KLHL1: variants seen among roughly 807,000 people sequenced by gnomAD.
KLHL1 encodes kelch-like protein 1.
In KLHL1, 47 loss-of-function variants were observed where a neutral mutation model predicts 77.7. The ratio of observed to expected loss-of-function variants is 0.60; its 90% CI spans 0.48 to 0.77. The LOEUF (loss-of-function observed/expected upper bound fraction) is 0.77, where lower values mean the gene tolerates loss of function less well. Among genes scored for constraint, KLHL1 ranks in the 30% least tolerant of loss-of-function variants. The probability of loss-of-function intolerance (pLI) is 0.00; values close to 1 mark genes in which losing one functional copy is unlikely to be tolerated. For missense variants in KLHL1, 925 were observed against 910.8 expected (o/e 1.02, Z -0.20); for synonymous variants, 360 against 325.2 (o/e 1.11, Z -1.15).
intron 3 of KLHL1, among the ~76,000 whole-genome samples, chr13:69,945,165 T>A (rs1295630985): frequency 2.0e-5 from 3 of 151,700 alleles, no homozygotes; most frequent in Non-Finnish European, 4.4e-5. Flanking sequence ...TTTTGTATGT[T>A]TAGAACAGAC....
chr13:69,959,954 A>G (rs1013008528), intron 3 of KLHL1, among the ~76,000 whole-genome samples: 1 of 151,954 alleles, frequency 6.6e-6, no homozygotes, highest in African/African-American at 2.4e-5. Flanking sequence ...CTCTCCTAAT[A>G]CAATATCCTT....
chr13:69,715,682 G>A (rs1876089637), intron 9 of KLHL1, among the ~76,000 whole-genome samples: 1 of 151,928 alleles, frequency 6.6e-6, no homozygotes, highest in Non-Finnish European at 1.5e-5. Context: ...GAGCATAATT[G>A]CTCACCAATA....
Position 69,701,503 on chromosome 13 carries a change from AT to A in KLHL1, c.*198del. On this transcript the variant is annotated 3_prime_UTR_variant, in exon 11 of 11. Coordinates refer to ENST00000377844, the MANE Select transcript of KLHL1 (RefSeq NM_020866.3). ...CGAACTAACTAACATATGGCCAGAC[AT>A]TTTTCCTGTATAAGTTTAATGTTTT... 1 of 504,166 alleles carries A rather than the reference AT, an allele frequency of 2.0e-6. No homozygotes were observed. 31.2% of individuals were successfully genotyped at this position (504,166 alleles called of 1,614,324 possible).
intron 2 of KLHL1, among the ~76,000 whole-genome samples, chr13:69,973,625 CAA>C (rs1448351335): frequency 6.6e-6 from 1 of 151,696 alleles, no homozygotes; most frequent in African/African-American, 2.4e-5. Context: ...CATTTTAAGT[CAA>C]GAGCTAGTTT....
intron 6 of KLHL1, among the ~76,000 whole-genome samples, chr13:69,815,098 G>A (rs1878063738): frequency 6.6e-6 from 1 of 152,152 alleles, no homozygotes; most frequent in Admixed American, 6.5e-5. Context: ...CTTATATACT[G>A]TTGGAGGGAA....
Position 69,785,114 on chromosome 13 carries a change from G to A in KLHL1, c.1639+11624C>T, listed in dbSNP as rs1403139458. ...TCACCATTTTAGCCGGGATGGTCTC[G>A]ATCTCCTGACCTCGTGATCCGCCCG... is the stretch of plus-strand genomic sequence containing the variant. On this transcript the variant is annotated intron_variant, in intron 7 of 10. Transcript: ENST00000377844. Among the ~76,000 whole-genome samples, 8 of 151,558 alleles carry A rather than the reference G, an allele frequency of 5.3e-5. No individual in the cohort carries two copies. In the South Asian group the frequency reaches 8.4e-4, roughly 16 times the overall value.
At chr13:69,783,137 A>G (rs960203622) in intron 7 of KLHL1, among the ~76,000 whole-genome samples, 2 of 152,300 alleles carry the variant, frequency 1.3e-5, no homozygotes, top group East Asian at 3.9e-4. Flanking sequence ...AAGGAAAACT[A>G]ACAAACAGAA....
chr13:69,839,838 T>C (rs1879171718), intron 5 of KLHL1, among the ~76,000 whole-genome samples: 1 of 152,042 alleles, frequency 6.6e-6, no homozygotes, highest in Non-Finnish European at 1.5e-5. Context: ...TGCAAATTAT[T>C]TTGTGTACAT....
intron 6 of KLHL1, among the ~76,000 whole-genome samples, chr13:69,824,747 G>A (rs1038387439): frequency 9.2e-5 from 14 of 152,232 alleles, no homozygotes; most frequent in African/African-American, 2.6e-4. Flanking sequence ...CTTTGGAGAT[G>A]TGGAAGGTGA....
At chr13:69,780,955 C>A (rs1876156700) in intron 7 of KLHL1, among the ~76,000 whole-genome samples, 1 of 151,042 alleles carries the variant, frequency 6.6e-6, no homozygotes, top group Admixed American at 6.6e-5. Context: ...CTTTGTTGCA[C>A]CCCCTGATCT....
chr13:69,921,118 T>TAAAC (rs1882618659), intron 4 of KLHL1, among the ~76,000 whole-genome samples: 1 of 152,186 alleles, frequency 6.6e-6, no homozygotes, highest in African/African-American at 2.4e-5. Flanking sequence ...AGTAGAGAGT[T>TAAAC]AAACAGAGTT....
chr13:69,834,295 A>G (rs1392243410), intron 6 of KLHL1, among the ~76,000 whole-genome samples: 1 of 151,082 alleles, frequency 6.6e-6, no homozygotes, highest in South Asian at 2.1e-4. Context: ...CAATTAGTTA[A>G]ATATATATAT....
chr13:69,849,171 C>A (rs370468042), intron 5 of KLHL1, among the ~76,000 whole-genome samples: 7 of 151,544 alleles, frequency 4.6e-5, no homozygotes, highest in South Asian at 2.1e-4. Flanking sequence ...TCTCGAATAA[C>A]ATCATTTTCA....
chr13:69,802,899 T>C lies in KLHL1; in HGVS notation c.1415-5937A>G, dbSNP rs929313410. On this transcript the variant is annotated intron_variant, in intron 6 of 10. Transcript: ENST00000377844. Reference sequence around the variant, plus strand: ...TTGTCCTGCTACATTTCTGGGTTCCTACAATGTCCATTGATTATTTTCTAT... The same window carrying C: ...TTGTCCTGCTACATTTCTGGGTTCCCACAATGTCCATTGATTATTTTCTAT... The C allele has an allele frequency of 7.2e-5, 11 of 152,282 alleles. 1 individual carries two copies. The South Asian group carries it at 1.2e-3, about 17-fold the overall frequency. 9.4% of individuals were successfully genotyped at this position (152,282 alleles called of 1,614,324 possible). A position where few individuals can be genotyped will look rare whatever the true frequency, so the allele number is the denominator to read the frequency against.
At chr13:70,096,597 T>C (rs1243539583) in intron 1 of KLHL1, among the ~76,000 whole-genome samples, 1 of 151,992 alleles carries the variant, frequency 6.6e-6, no homozygotes, top group African/African-American at 2.4e-5. Context: ...CTTTTATTTT[T>C]TCCTATCGAG....
intron 7 of KLHL1, among the ~76,000 whole-genome samples, chr13:69,750,172 C>A (rs1334143510): frequency 6.6e-6 from 1 of 151,466 alleles, no homozygotes; most frequent in Non-Finnish European, 1.5e-5. Context: ...TCACCAGTGG[C>A]TTCATAATAT....
At chr13:69,872,393 A>G (rs1880617644) in intron 5 of KLHL1, among the ~76,000 whole-genome samples, 1 of 152,140 alleles carries the variant, frequency 6.6e-6, no homozygotes, top group Admixed American at 6.5e-5. Flanking sequence ...GTTGGTTAAA[A>G]CTAGTTTCTG....
chr13:69,743,070 T>C (rs1874051378), intron 7 of KLHL1, among the ~76,000 whole-genome samples: 1 of 152,218 alleles, frequency 6.6e-6, no homozygotes, highest in Non-Finnish European at 1.5e-5. Context: ...GAGTAGACTT[T>C]AGAATACGTT....
chr13:69,926,337 A>T (rs1027700840), intron 4 of KLHL1, among the ~76,000 whole-genome samples: 1 of 152,134 alleles, frequency 6.6e-6, no homozygotes, highest in African/African-American at 2.4e-5. Flanking sequence ...CATGACTTTA[A>T]AAAAAATAAA....
Sources: allele counts gnomAD v4.1 joint callset (sites outside exome capture counted in the v4.1 genomes callset), GRCh38; gene constraint gnomAD v4.1.1; transcripts MANE v1.5; gene names NCBI Gene and HGNC (gene_info 2026-07-23, HGNC 2026-07-21).